BCOR: variants seen among roughly 807,000 people sequenced by gnomAD.
BCOR encodes the protein BCL6 corepressor, also known as BCL-6 corepressor.
BCOR carries 10 observed loss-of-function variants against 86.7 expected under a neutral mutation model. That is an observed-to-expected ratio of 0.12 (90% CI 0.07 to 0.20). The LOEUF (loss-of-function observed/expected upper bound fraction) is 0.20, where lower values mean the gene tolerates loss of function less well. Ranked by LOEUF, BCOR falls within the 10% of genes least tolerant of loss-of-function variation. The pLI, the probability that BCOR is intolerant of heterozygous loss-of-function variation, is 1.00. For synonymous variants in BCOR, 611 were observed against 609.0 expected, an observed-to-expected ratio of 1.00 and a Z score of -0.05; for missense variants, 1,259 against 1,452.1, an observed-to-expected ratio of 0.87 and a Z score of 2.16.
chrX:40,111,624 G>A (rs1267082475), intron 1 of BCOR, among the ~76,000 whole-genome samples: 7 of 111,781 alleles, frequency 6.3e-5, no homozygotes, highest in African/African-American at 2.3e-4. Context: ...AAGGTCTACA[G>A]TTAAGGAAAA....
intron 1 of BCOR, among the ~76,000 whole-genome samples, chrX:40,145,293 C>CGCCCG (rs1432283427): frequency 9.0e-6 from 1 of 111,604 alleles, no homozygotes; most frequent in Non-Finnish European, 1.9e-5. Context: ...GAACCCGCGG[C>CGCCCG]GCCCGGCCCG....
intron 1 of BCOR, among the ~76,000 whole-genome samples, chrX:40,171,741 C>A (rs1360112833): frequency 3.5e-5 from 4 of 113,078 alleles, no homozygotes; most frequent in Non-Finnish European, 7.5e-5. Flanking sequence ...TTTTATTCTT[C>A]CAGCCCTGTG....
At chrX:40,126,548 GA>G (rs1349247279) in intron 1 of BCOR, among the ~76,000 whole-genome samples, 2 of 106,336 alleles carry the variant, frequency 1.9e-5, no homozygotes, top group Non-Finnish European at 3.9e-5. Context: ...GAAAAGAAAA[GA>G]AAAAAAACCA....
At chrX:40,126,853 A>G (rs1357239111) in intron 1 of BCOR, among the ~76,000 whole-genome samples, 2 of 110,463 alleles carry the variant, frequency 1.8e-5, no homozygotes, top group Admixed American at 9.7e-5. Flanking sequence ...AGAAAAAAAA[A>G]AAAAAGAGGA....
Position 40,055,521 on chromosome X carries a change from G to A in BCOR, c.4596-8C>T. The A allele has an allele frequency of 8.3e-7, 1 of 1,211,080 alleles. No homozygotes were observed. Among genetic ancestry groups the A allele is most frequent in the South Asian group, 1.8e-5 (1 of 56,922 alleles). The stretch of plus-strand genomic sequence containing the variant: ...ACAGCATCGTGCAGAGGCCTAGGAA[G>A]AGAGGCGCAATAGAATTATGCTCAT... On this transcript the variant is annotated splice_polypyrimidine_tract_variant and splice_region_variant and intron_variant, in intron 11 of 14. Coordinates refer to ENST00000378444, the MANE Select transcript of BCOR (RefSeq NM_001123385.2).
chrX:40,158,218 G>A (rs904728231), intron 1 of BCOR, among the ~76,000 whole-genome samples: 2 of 112,550 alleles, frequency 1.8e-5, no homozygotes, highest in African/African-American at 6.4e-5. Flanking sequence ...CTGGCCCTCG[G>A]GGTCCCCGTG....
rs192436752 is a variant in BCOR at position 40,126,488 on chromosome X, G to A, written c.-40-48519C>T. Among the ~76,000 whole-genome samples the A allele has an allele frequency of 5.6e-3, 604 of 107,324 alleles. 1 individual carries two copies. The highest frequency in any genetic ancestry group is 9.6e-3 in the Middle Eastern group (2 of 209). The allele number at this position is 107,324 out of a possible 115,157, so 93.2% of individuals were successfully genotyped here. ...TGCAGTGAGCCGAGATCGTGCCATT[G>A]CACTCCAGCTCGGGCAACAAGGCAA... is the stretch of plus-strand genomic sequence containing the variant. On this transcript the variant is annotated intron_variant, in intron 1 of 14. Coordinates refer to the BCOR transcript ENST00000342274.
intron 1 of BCOR, chrX:40,146,621 A>C (rs764257557): frequency 3.0e-4 from 34 of 112,409 alleles, no homozygotes; most frequent in Non-Finnish European, 5.8e-4. Flanking sequence ...GCTTCAGTGC[A>C]TGAATGGATT....
intron 1 of BCOR, among the ~76,000 whole-genome samples, chrX:40,119,065 T>A (rs1404388941): frequency 8.9e-6 from 1 of 111,850 alleles, no homozygotes; most frequent in African/African-American, 3.3e-5. Flanking sequence ...ACTCCTCAGC[T>A]CAGGTGATCT....
At position 40,064,561 on chromosome X, in the gene BCOR, C is replaced by G. The variant is rs144736705; in HGVS notation, c.3277G>C (p.Glu1093Gln). Residue 1093 changes from glutamate to glutamine, a missense_variant, in exon 7 of 15, where the codon GAA becomes CAA. Transcript: ENST00000378444. ...GGAAGATCTTTGTCCTCTGGGGCTT[C>G]AAAGGGATCACGGTGCTTGTTTCCA... is the stretch of plus-strand genomic sequence containing the variant. ...SVGNKHRDPF[E>Q]APEDKDLPVE... 1 of 1,211,894 alleles carries G rather than the reference C, an allele frequency of 8.3e-7. No individual in the cohort carries two copies. Among genetic ancestry groups the G allele is most frequent in the Non-Finnish European group, 1.1e-6 (1 of 895,464 alleles).
intron 10 of BCOR, among the ~76,000 whole-genome samples, chrX:40,057,649 C>A (rs1394134299): frequency 8.9e-6 from 1 of 112,017 alleles, no homozygotes; most frequent in Non-Finnish European, 1.9e-5. Flanking sequence ...CCCACACAAG[C>A]CCTTAGCTCA....
chrX:40,170,568 C>T (rs774357984), intron 1 of BCOR, among the ~76,000 whole-genome samples: 3 of 111,150 alleles, frequency 2.7e-5, no homozygotes, highest in Non-Finnish European at 5.7e-5. Context: ...AGGCTGGTCT[C>T]GAACTCCTGA....
intron 1 of BCOR, among the ~76,000 whole-genome samples, chrX:40,116,244 T>C (rs1390098973): frequency 8.9e-6 from 1 of 112,140 alleles, no homozygotes; most frequent in African/African-American, 3.2e-5. Flanking sequence ...ACGCCTGTAA[T>C]CCCAGTGCTT....
intron 1 of BCOR, among the ~76,000 whole-genome samples, chrX:40,085,873 C>T (rs1340981699): frequency 9.0e-6 from 1 of 111,568 alleles, no homozygotes. Context: ...TAGTGGGTAA[C>T]TGCCACCACC....
intron 1 of BCOR, among the ~76,000 whole-genome samples, chrX:40,126,533 A>G (rs576413158): frequency 0.19 from 21,046 of 109,476 alleles, 2,940 homozygotes; most frequent in African/African-American, 0.49. Flanking sequence ...AAAAAAAAAA[A>G]AAAAGAAAAG....
chrX:40,131,788 A>T (rs1183079398), intron 1 of BCOR, among the ~76,000 whole-genome samples: 1 of 111,446 alleles, frequency 9.0e-6, no homozygotes, highest in African/African-American at 3.3e-5. Context: ...CTCAAATTAG[A>T]AGGAGGAGGG....
chrX:40,152,146 C>A (rs933255546), intron 1 of BCOR, among the ~76,000 whole-genome samples: 4 of 111,002 alleles, frequency 3.6e-5, no homozygotes, highest in African/African-American at 1.3e-4. Context: ...GAGAGAAACA[C>A]CTCCAAGTCA....
At chrX:40,092,449 G>A (rs1936663606) in intron 1 of BCOR, among the ~76,000 whole-genome samples, 1 of 110,224 alleles carries the variant, frequency 9.1e-6, no homozygotes, top group Admixed American at 9.5e-5. Flanking sequence ...TCCCCGCCAC[G>A]GTCTCCTCCA....
Position 40,072,709 on chromosome X carries a change from G to A in BCOR, c.2637C>T (p.Ser879=), listed in dbSNP as rs1232375897. ...TGGTACCTGCCAGAACACTGTCCTT[G>A]CTTACGGTGAAGACTGGCTGTTTGA... The part of the protein sequence containing the change: ...YTFKQPVFTV[S]KDSVLAGTNK... The change falls in exon 4 of 15, where the codon AGC becomes AGT. Residue 879 remains serine (S), a synonymous_variant. Transcript: ENST00000378444. 3 of 1,211,845 alleles carry A rather than the reference G, an allele frequency of 2.5e-6. No homozygotes were observed. Among genetic ancestry groups the A allele is most frequent in the Non-Finnish European group, 3.3e-6 (3 of 895,543 alleles).
Sources: gnomAD v4.1 joint callset for allele counts (sites outside exome capture counted in the v4.1 genomes callset) on GRCh38, gnomAD v4.1.1 for gene constraint, MANE v1.5 for transcripts, NCBI Gene and HGNC (gene_info 2026-07-23, HGNC 2026-07-21) for gene names.